Variants in TGFBR3 observed in about 807,000 individuals in gnomAD.
TGFBR3 encodes the protein transforming growth factor beta receptor 3, also known as transforming growth factor beta receptor type 3.
Under a neutral mutation model 87.9 loss-of-function variants are expected in TGFBR3, and 46 were observed. The observed-to-expected ratio is 0.52, with a 90% CI of 0.41 to 0.67. The LOEUF (loss-of-function observed/expected upper bound fraction) is 0.67. Ranked by LOEUF, TGFBR3 falls within the 30% of genes least tolerant of loss-of-function variation. The pLI is 0.00. For synonymous variants in TGFBR3, 381 were observed against 391.6 expected, an observed-to-expected ratio of 0.97 and a Z score of 0.32; for missense variants, 866 against 1,041.9, an observed-to-expected ratio of 0.83 and a Z score of 2.32.
chr1:91,841,793 CAAA>C (rs57953815), intron 2 of TGFBR3, among the ~76,000 whole-genome samples: 5 of 88,798 alleles, frequency 5.6e-5, no homozygotes, highest in African/African-American at 1.3e-4. Flanking sequence ...GACTCCATCT[CAAA>C]AAAAAAAAAA....
intron 2 of TGFBR3, among the ~76,000 whole-genome samples, chr1:91,802,836 C>G (rs1232051241): frequency 6.6e-6 from 1 of 152,072 alleles, no homozygotes; most frequent in Non-Finnish European, 1.5e-5. Flanking sequence ...CCTACGTACA[C>G]CTGGCACCAA....
intron 12 of TGFBR3, among the ~76,000 whole-genome samples, chr1:91,714,707 A>C (rs1476987229): frequency 6.6e-6 from 1 of 152,244 alleles, no homozygotes; most frequent in Non-Finnish European, 1.5e-5. Context: ...AACAATCTGC[A>C]ATTATGCAGC....
chr1:91,899,313 T>A (rs1206568347), intron 2 of TGFBR3, among the ~76,000 whole-genome samples: 2 of 152,068 alleles, frequency 1.3e-5, no homozygotes, highest in East Asian at 3.8e-4. Context: ...AGCCCAGGAA[T>A]TCAGCAACAT....
intron 16 of TGFBR3, among the ~76,000 whole-genome samples, chr1:91,695,312 T>C (rs1053454495): frequency 6.6e-6 from 1 of 152,200 alleles, no homozygotes; most frequent in Non-Finnish European, 1.5e-5. Context: ...CTTGGCTTTC[T>C]TTTTCACTTC....
chr1:91,905,475 C>T (rs1348289286), intron 1 of TGFBR3, among the ~76,000 whole-genome samples: 3 of 152,158 alleles, frequency 2.0e-5, no homozygotes, highest in Admixed American at 2.0e-4. Flanking sequence ...CTCTGTTGCC[C>T]AGGCTGAAGT....
chr1:91,705,511 G>A (rs7541617), intron 14 of TGFBR3, among the ~76,000 whole-genome samples: 27,130 of 151,980 alleles, frequency 0.18, 2,722 homozygotes, highest in East Asian at 0.39. Flanking sequence ...TTACAGGCGT[G>A]AGCCACTGCG....
intron 3 of TGFBR3, among the ~76,000 whole-genome samples, chr1:91,762,514 AC>A (rs1167322094): frequency 6.6e-6 from 1 of 152,214 alleles, no homozygotes; most frequent in Non-Finnish European, 1.5e-5. Context: ...AACTAAAAAA[AC>A]TTTCACATGC....
chr1:91,803,163 T>TG (rs1229031030), intron 2 of TGFBR3, among the ~76,000 whole-genome samples: 1 of 152,210 alleles, frequency 6.6e-6, no homozygotes, highest in African/African-American at 2.4e-5. Flanking sequence ...CCCTGCTTCC[T>TG]GCCACGGCCC....
At chr1:91,840,464 CAT>C (rs1677229041) in intron 2 of TGFBR3, among the ~76,000 whole-genome samples, 1 of 140,494 alleles carries the variant, frequency 7.1e-6, no homozygotes, top group African/African-American at 2.6e-5. Flanking sequence ...TAATATCATG[CAT>C]GATTTTGTAA....
intron 4 of TGFBR3, among the ~76,000 whole-genome samples, chr1:91,744,048 T>C (rs369872953): frequency 2.6e-5 from 4 of 152,016 alleles, no homozygotes; most frequent in East Asian, 3.9e-4. Context: ...TTGGATCTAC[T>C]GGGTTAAACA....
chr1:91,749,238 T>C (rs1290621410), intron 4 of TGFBR3, among the ~76,000 whole-genome samples: 1 of 152,132 alleles, frequency 6.6e-6, no homozygotes, highest in Admixed American at 6.5e-5. Context: ...GTGATAAAGA[T>C]GGAAAGGCCA....
At chr1:91,887,898 C>T (rs1679368666), upstream of TGFBR3, among the ~76,000 whole-genome samples, 1 of 152,150 alleles carries the variant, frequency 6.6e-6, no homozygotes, top group Non-Finnish European at 1.5e-5. Context: ...TGGAGCTAGC[C>T]TCTGCTTTTA....
At chr1:91,849,231 ATTC>A (rs751783201) in intron 2 of TGFBR3, among the ~76,000 whole-genome samples, 3 of 152,116 alleles carry the variant, frequency 2.0e-5, no homozygotes. Context: ...AGATCATATC[ATTC>A]TTCTGCTCAA....
intron 1 of TGFBR3, among the ~76,000 whole-genome samples, chr1:91,877,584 G>A (rs1385081204): frequency 6.6e-6 from 1 of 152,110 alleles, no homozygotes; most frequent in Admixed American, 6.6e-5. Context: ...TTAAAACCTG[G>A]AACGTCTTAG....
At chr1:91,691,694 G>A (rs915913336) in intron 16 of TGFBR3, among the ~76,000 whole-genome samples, 4 of 152,316 alleles carry the variant, frequency 2.6e-5, no homozygotes, top group East Asian at 1.9e-4. Context: ...GAATGGTAGC[G>A]AAGAAGATCA....
intron 2 of TGFBR3, among the ~76,000 whole-genome samples, chr1:91,808,552 G>A (rs61781098): frequency 0.042 from 6,358 of 152,170 alleles, 179 homozygotes; most frequent in Non-Finnish European, 0.066. Context: ...TGCAAATTCC[G>A]CCTCCTGGGT....
chr1:91,784,681 T>A (rs1674894885), intron 3 of TGFBR3, among the ~76,000 whole-genome samples: 3 of 151,896 alleles, frequency 2.0e-5, no homozygotes, highest in Non-Finnish European at 4.4e-5. Flanking sequence ...AAGAAAGAAG[T>A]CCAGGTGGAA....
At chr1:91,695,473 T>C in intron 16 of TGFBR3, 199 bp downstream of exon 16, 1 of 582,604 alleles carries the variant, frequency 1.7e-6, no homozygotes, top group South Asian at 2.0e-5. Flanking sequence ...TTAGCACAGT[T>C]TAAACCTTCC....
chr1:91,735,093 T>C, intron 4 of TGFBR3, 134 bp from the exon 5 acceptor site: 1 of 1,060,764 alleles, frequency 9.4e-7, no homozygotes, highest in African/African-American at 1.6e-5. Flanking sequence ...GATCAGCGTT[T>C]TTAAGCAGCG....
Sources: allele counts gnomAD v4.1 joint callset (sites outside exome capture counted in the v4.1 genomes callset), GRCh38; gene constraint gnomAD v4.1.1; transcripts MANE v1.5; gene names NCBI Gene and HGNC (gene_info 2026-07-23, HGNC 2026-07-21).